Variants in SPEG observed in about 807,000 individuals in gnomAD.
The protein encoded by SPEG is striated muscle enriched protein kinase.
Under a neutral mutation model 300.4 loss-of-function variants are expected in SPEG, and 114 were observed. The observed-to-expected ratio is 0.38, with a 90% CI of 0.33 to 0.44. The LOEUF (loss-of-function observed/expected upper bound fraction) is 0.44, where lower values mean the gene tolerates loss of function less well. Among genes scored for constraint, SPEG ranks in the 20% least tolerant of loss-of-function variants. SPEG has a pLI of 1.00. For missense variants in SPEG, 4,201 were observed against 4,586.2 expected, an observed-to-expected ratio of 0.92 and a Z score of 2.43; for synonymous variants, 1,964 against 2,018.9, an observed-to-expected ratio of 0.97 and a Z score of 0.73.
Position 219,462,035 on chromosome 2 carries a change from C to A in SPEG, c.2594C>A (p.Ser865Tyr). 1 of 1,607,542 alleles carries A rather than the reference C, an allele frequency of 6.2e-7. No homozygotes were observed. Among genetic ancestry groups the A allele is most frequent in the Non-Finnish European group, 8.5e-7 (1 of 1,177,888 alleles). Reference sequence around the variant, plus strand: ...AACCGCCGTTCTTCTGACACTGGCTCCAAGGCACCCCCCACCTTCAAGGTC... The same window carrying A: ...AACCGCCGTTCTTCTGACACTGGCTACAAGGCACCCCCCACCTTCAAGGTC... ...SQNRRSSDTGSKAPPTFKVSL... is the reference protein window; with the variant it reads ...SQNRRSSDTGYKAPPTFKVSL... Residue 865 changes from serine to tyrosine, a missense_variant, in exon 7 of 41, where the codon TCC becomes TAC. Physicochemically the swap from Ser to Tyr is moderately radical, Grantham distance 144. Around this residue, in one of 4 missense-constraint regions of SPEG, gnomAD observed 1,258 missense variants for 1,293.9 expected, o/e 0.97. Coordinates refer to ENST00000312358, the MANE Select transcript of SPEG (RefSeq NM_005876.5).
At position 219,483,887 on chromosome 2, in the gene SPEG, C is replaced by A. The variant is rs1306920809; in HGVS notation, c.6424C>A (p.His2142Asn). Residue 2142 changes from histidine to asparagine, a missense_variant, in exon 30 of 41, where the codon CAC becomes AAC. Transcript: ENST00000312358. ...GGGTGAGGCGGAGCCCCGGGGCCGG[C>A]ACCGCCGAGCGGGGGCGCCCCTCGA... is the stretch of plus-strand genomic sequence containing the variant. ...SQGEAEPRGR[H>N]RRAGAPLEIP... The A allele has an allele frequency of 6.3e-7, 1 of 1,599,238 alleles. No individual in the cohort carries two copies. The highest frequency in any genetic ancestry group is 1.1e-5 in the South Asian group (1 of 90,750).
rs185363228 is a variant in SPEG, at chr2:219,450,940, G to A, written c.2114-196G>A. On this transcript the variant is annotated intron_variant, in intron 4 of 40. Coordinates refer to ENST00000312358, the MANE Select transcript of SPEG (RefSeq NM_005876.5). The stretch of plus-strand genomic sequence containing the variant: ...AGTCAAGGCTGCCCTGACCTGTTTC[G>A]AGAATGCTCCTTCTGACTTCCTTTT... The A allele has an allele frequency of 1.5e-3, 816 of 555,248 alleles. 1 individual carries two copies. Among genetic ancestry groups the A allele is most frequent in the Non-Finnish European group, 2.1e-3 (666 of 321,240 alleles). The allele number at this position is 555,248 out of a possible 1,614,324, so 34.4% of individuals were successfully genotyped here.
At chr2:219,446,325 A>T (rs1005216746) in intron 3 of SPEG, among the ~76,000 whole-genome samples, 1 of 152,020 alleles carries the variant, frequency 6.6e-6, no homozygotes, top group East Asian at 1.9e-4. Context: ...TTCCTTAGTG[A>T]TGTCTATGGT....
chr2:219,444,538 C>A lies in SPEG; in HGVS notation c.389-115C>A. 6 of 851,992 alleles carry A rather than the reference C, an allele frequency of 7.0e-6. No individual in the cohort carries two copies. The highest frequency in any genetic ancestry group is 1.2e-5 in the Non-Finnish European group (6 of 519,490). The allele number at this position is 851,992 out of a possible 1,614,324, so 52.8% of individuals were successfully genotyped here. On this transcript the variant is annotated intron_variant, in intron 1 of 40. Transcript: ENST00000312358. This position sits in a 1 kb window ranked among gnomAD's most constrained non-coding sequence, Gnocchi z 7.8. ...GGGAGCAAAAGAGAGGAGGTGCTGG[C>A]AGCCCTGCCAGTGATAAGATGGAGC... is the stretch of plus-strand genomic sequence containing the variant.
Position 219,449,067 on chromosome 2 carries a change from G to T in SPEG, c.1909G>T (p.Ala637Ser), listed in dbSNP as rs1046640027. The T allele has an allele frequency of 1.3e-6, 2 of 1,517,824 alleles. No individual in the cohort carries two copies. The highest frequency in any genetic ancestry group is 1.2e-5 in the South Asian group (1 of 80,880). 94.0% of individuals were successfully genotyped at this position (1,517,824 alleles called of 1,614,324 possible). ...PGRKREPPAQAVRFLPWATPG... is the reference protein window; with the variant it reads ...PGRKREPPAQSVRFLPWATPG... Reference sequence around the variant, plus strand: ...TCGGAAGCGGGAGCCCCCGGCGCAGGCCGTGCGCTTCCTGCCCTGGGCCAC... The same window carrying T: ...TCGGAAGCGGGAGCCCCCGGCGCAGTCCGTGCGCTTCCTGCCCTGGGCCAC... Residue 637 changes from alanine (A) to serine (S), a missense_variant, in exon 4 of 41, where the codon GCC becomes TCC. Physicochemically the swap from Ala to Ser is moderately conservative, Grantham distance 99. Transcript: ENST00000312358.
At position 219,489,718 on chromosome 2, in the gene SPEG, G is replaced by C. The variant is rs769246329; in HGVS notation, c.8700G>C (p.Val2900=). Residue 2900 remains valine (V), a synonymous_variant, in exon 36 of 41, where the codon GTG becomes GTC. Transcript: ENST00000312358. ...AACCAGTGTCTTCCTCTACTCCTGT[G>C]TATGTGGTGACTTCCTTTGTGTCTG... ...GVKPVSSSTP[V]YVVTSFVSAP... 2.5e-6 allele frequency: 4 copies of C among 1,613,920 alleles called. No individual in the cohort carries two copies. The highest frequency in any genetic ancestry group is 1.3e-5 in the African/African-American group (1 of 74,914).
intron 4 of SPEG, 132 bp downstream of exon 4, chr2:219,449,403 G>C: frequency 1.5e-6 from 1 of 674,816 alleles, no homozygotes; most frequent in Non-Finnish European, 2.2e-6. Context: ...GCAAGGGTGG[G>C]TTTGCCAAAG....
chr2:219,473,116 T>G lies in SPEG; in HGVS notation c.4147+20T>G. 1 of 1,608,884 alleles carries G rather than the reference T, an allele frequency of 6.2e-7. No homozygotes were observed. The highest frequency in any genetic ancestry group is 1.1e-5 in the South Asian group (1 of 90,670). ...AGCACGGTGAGCCTGGGTGCTCCTG[T>G]CGGGTGGGGGTGGGAGCTGCTGGGA... On this transcript the variant is annotated intron_variant, in intron 16 of 40. Transcript: ENST00000312358. This position sits in a 1 kb window ranked among gnomAD's most constrained non-coding sequence, Gnocchi z 4.6.
chr2:219,468,538 C>T, intron 10 of SPEG, 40 bp from the exon 11 acceptor site: 1 of 1,598,568 alleles, frequency 6.3e-7, no homozygotes, highest in Non-Finnish European at 8.5e-7. Flanking sequence ...CCTGGGCCTC[C>T]TTAGCCTTCC....
intron 4 of SPEG, 170 bp from the exon 5 acceptor site, chr2:219,450,966 T>A: frequency 1.5e-6 from 1 of 658,822 alleles, no homozygotes; most frequent in East Asian, 2.9e-5. Context: ...ACTTCCTTTT[T>A]TCCCTAAGGA....
At chr2:219,468,825 G>A (rs374042977) in intron 11 of SPEG, 34 bp from the exon 12 acceptor site, 20 of 1,608,316 alleles carry the variant, frequency 1.2e-5, no homozygotes, top group Non-Finnish European at 1.6e-5. Flanking sequence ...CCCTCACTGT[G>A]CCTGCTCTGC....
chr2:219,460,697 C>T, intron 6 of SPEG: 2 of 985,706 alleles, frequency 2.0e-6, no homozygotes, highest in Non-Finnish European at 2.4e-6. Flanking sequence ...CCCTCCACAC[C>T]AGGGCCCAGG....
chr2:219,455,232 T>C (rs1344852387), intron 6 of SPEG, among the ~76,000 whole-genome samples: 1 of 152,228 alleles, frequency 6.6e-6, no homozygotes, highest in African/African-American at 2.4e-5. Context: ...TTATTATGCC[T>C]ATGTTACGAA....
chr2:219,446,913 C>A (rs1182253628), intron 3 of SPEG, among the ~76,000 whole-genome samples: 1 of 151,462 alleles, frequency 6.6e-6, no homozygotes, highest in African/African-American at 2.4e-5. Context: ...ATTCAATGAG[C>A]CATTTTACAG....
chr2:219,474,053 C>T, intron 18 of SPEG, 150 bp downstream of exon 18: 2 of 718,130 alleles, frequency 2.8e-6, no homozygotes, highest in Non-Finnish European at 4.5e-6. Context: ...ATACAAATAC[C>T]ATATTAGTAA....
chr2:219,447,323 G>A (rs1402920805), intron 3 of SPEG, among the ~76,000 whole-genome samples: 2 of 152,222 alleles, frequency 1.3e-5, no homozygotes, highest in East Asian at 3.9e-4. Context: ...AGCAAGGAGA[G>A]TAGGAGCCTG....
chr2:219,483,830 C>A lies in SPEG; in HGVS notation c.6367C>A (p.Arg2123=). The change falls in exon 30 of 41, where the codon CGG becomes AGG. Residue 2123 remains arginine (R), a synonymous_variant. Transcript: ENST00000312358. ...CCACCACCAGCCCCCACTCGAGAAC[C>A]GGGGCCTGCAAAAGAGCAGCAGCTT... ...APHHQPPLEN[R]GLQKSSSFSQ... The A allele has an allele frequency of 6.3e-7, 1 of 1,584,144 alleles. No homozygotes were observed.
Position 219,448,438 on chromosome 2 carries a change from G to A in SPEG, c.1280G>A (p.Trp427Ter). The A allele has an allele frequency of 3.3e-6, 5 of 1,513,266 alleles. No individual in the cohort carries two copies. The highest frequency in any genetic ancestry group is 4.4e-6 in the Non-Finnish European group (5 of 1,138,762). The allele number at this position is 1,513,266 out of a possible 1,614,324, so 93.7% of individuals were successfully genotyped here. A position where few individuals can be genotyped will look rare whatever the true frequency, so the allele number is the denominator to read the frequency against. ...SDSPPAPLRP[W>*]VPLRKARSLE... ...TCGCCGCCGGCGCCCCTGCGGCCCT[G>A]GGTGCCCCTGCGCAAGGCCCGCTCT... is the stretch of plus-strand genomic sequence containing the variant. Residue 427 changes from tryptophan (W) to a stop codon, truncating the protein, a stop_gained, in exon 4 of 41, where the codon TGG becomes TAG. Coordinates refer to ENST00000312358, the MANE Select transcript of SPEG (RefSeq NM_005876.5). LOFTEE classifies it high-confidence loss of function.
In SPEG at chr2:219,459,383, C is replaced by T. The variant is rs1025840359; in HGVS notation, c.2441-2499C>T. 4.6e-5 allele frequency among the ~76,000 whole-genome samples: 7 copies of T among 152,120 alleles called. No homozygotes were observed. The highest frequency in any genetic ancestry group is 2.1e-4 in the South Asian group (1 of 4,828). On this transcript the variant is annotated intron_variant, in intron 6 of 40. Coordinates refer to ENST00000312358, the MANE Select transcript of SPEG (RefSeq NM_005876.5). This position sits in a 1 kb window ranked among gnomAD's most constrained non-coding sequence, Gnocchi z 4.9. ...GGCCAGGGAAAAAACTAGGTGGCAC[C>T]GGATTCTGGTATGGAGCCTCAGGAA...
Sources: allele counts gnomAD v4.1 joint callset (sites outside exome capture counted in the v4.1 genomes callset), GRCh38; gene constraint gnomAD v4.1.1; regional missense constraint gnomAD v4.1.1; non-coding constraint Gnocchi (gnomAD v3.1); transcripts MANE v1.5; gene names NCBI Gene and HGNC (gene_info 2026-07-23, HGNC 2026-07-21).